Variants in RASSF3 observed in about 807,000 individuals in gnomAD.
RASSF3 encodes the protein ras association domain-containing protein 3.
Under a neutral mutation model 19.9 loss-of-function variants are expected in RASSF3, and 19 were observed. That is an observed-to-expected ratio of 0.96 (90% CI 0.67 to 1.40). The LOEUF (loss-of-function observed/expected upper bound fraction) is 1.40, where lower values mean the gene tolerates loss of function less well. Ranked by LOEUF, RASSF3 falls within the 40% of genes most tolerant of loss-of-function variation. The probability of loss-of-function intolerance (pLI) is 0.00; values close to 1 mark genes in which losing one functional copy is unlikely to be tolerated. For missense variants in RASSF3, 306 were observed against 289.8 expected (o/e 1.06, Z -0.41); for synonymous variants, 110 against 104.2 (o/e 1.06, Z -0.34).
chr12:64,651,452 C>T (rs1369414857), intron 1 of RASSF3, among the ~76,000 whole-genome samples: 7 of 152,066 alleles, frequency 4.6e-5, no homozygotes, highest in Admixed American at 6.6e-5. Context: ...TCCAACCTCC[C>T]GGGTTCAAGT....
At chr12:64,627,743 T>C (rs1008201793) in intron 1 of RASSF3, among the ~76,000 whole-genome samples, 2 of 151,580 alleles carry the variant, frequency 1.3e-5, no homozygotes, top group African/African-American at 4.9e-5. Flanking sequence ...ATAGGACATT[T>C]AGGTGAAAAG....
At chr12:64,555,510 G>A (rs1435616997) in intron 2 of RASSF3, among the ~76,000 whole-genome samples, 4 of 152,220 alleles carry the variant, frequency 2.6e-5, no homozygotes, top group East Asian at 1.9e-4. Context: ...AGGACTTTGG[G>A]AGGCCGAGGC....
chr12:64,587,186 C>T (rs1032702302), intron 2 of RASSF3, among the ~76,000 whole-genome samples: 1 of 150,120 alleles, frequency 6.7e-6, no homozygotes, highest in Non-Finnish European at 1.5e-5. Flanking sequence ...TCCCGAGTAG[C>T]TGGGATTACA....
At chr12:64,539,277 C>T (rs1414363649) in intron 1 of RASSF3, among the ~76,000 whole-genome samples, 2 of 152,000 alleles carry the variant, frequency 1.3e-5, no homozygotes, top group East Asian at 3.9e-4. Context: ...GTCTCTTACT[C>T]TTCTTATAAA....
chr12:64,621,595 A>AGAGG (rs1870767372), intron 1 of RASSF3, among the ~76,000 whole-genome samples: 1 of 152,156 alleles, frequency 6.6e-6, no homozygotes, highest in Non-Finnish European at 1.5e-5. Flanking sequence ...CTCCTGCTTC[A>AGAGG]TCCTCCCAAG....
rs201698224 is a variant in RASSF3, at chr12:64,675,053, C to A, written c.112-9734C>A. ...TCTAAAATACCCACCTAGCCCCCCC[C>A]CCCCCCGCCACCCCGGCTTCTTGCT... On this transcript the variant is annotated intron_variant, in intron 1 of 4. Transcript: ENST00000542104. 3.2e-3 allele frequency among the ~76,000 whole-genome samples: 378 copies of A among 117,104 alleles called. 29 individuals carry two copies. The highest frequency in any genetic ancestry group is 0.01 in the African/African-American group (318 of 31,116). 76.8% of individuals were successfully genotyped at this position (117,104 alleles called of 152,430 possible). A position where few individuals can be genotyped will look rare whatever the true frequency, so the allele number is the denominator to read the frequency against.
At chr12:64,635,084 G>A (rs1489760700) in intron 1 of RASSF3, among the ~76,000 whole-genome samples, 4 of 151,110 alleles carry the variant, frequency 2.6e-5, no homozygotes, top group African/African-American at 9.7e-5. Flanking sequence ...CTCCTGAGTA[G>A]CTAGGACTAC....
Position 64,697,136 on chromosome 12 carries a change from C to T in RASSF3, c.*2224C>T, listed in dbSNP as rs1160186189. ...CCTCATCTATATTTACCCAAAACCT[C>T]GCTTACTGTCATGTGCACTACAAAT... On this transcript the variant is annotated 3_prime_UTR_variant, in exon 5 of 5. Transcript: ENST00000542104. The T allele has an allele frequency of 6.7e-6, 1 of 150,000 alleles. No individual in the cohort carries two copies. The highest frequency in any genetic ancestry group is 2.1e-4 in the South Asian group (1 of 4,764). The allele number at this position is 150,000 out of a possible 1,614,324, so 9.3% of individuals were successfully genotyped here.
intron 1 of RASSF3, among the ~76,000 whole-genome samples, chr12:64,635,145 G>A (rs2136176731): frequency 6.6e-6 from 1 of 151,702 alleles, no homozygotes; most frequent in African/African-American, 2.4e-5. Context: ...GGAGAGATAG[G>A]GTTTTGACAT....
chr12:64,610,875 A>G (rs1178399091), intron 1 of RASSF3, 132 bp downstream of exon 1: 1 of 519,318 alleles, frequency 1.9e-6, no homozygotes, highest in Non-Finnish European at 3.3e-6. Context: ...GAGCGGGCCG[A>G]GAAGTGGCTT....
chr12:64,623,801 C>G (rs1272570482), intron 1 of RASSF3, among the ~76,000 whole-genome samples: 1 of 151,800 alleles, frequency 6.6e-6, no homozygotes, highest in Non-Finnish European at 1.5e-5. Context: ...CGCCACCATG[C>G]CTGGCTAATT....
rs1394975027 is a variant in RASSF3, at chr12:64,684,487, A to G, written c.112-300A>G. 2.0e-5 allele frequency among the ~76,000 whole-genome samples: 3 copies of G among 148,592 alleles called. No homozygotes were observed. In the East Asian group the frequency reaches 6.0e-4, roughly 30 times the overall value. On this transcript the variant is annotated intron_variant, in intron 1 of 4. Transcript: ENST00000542104. Reference sequence around the variant, plus strand: ...CTCTTGTTGCCCAGGCTGGAGTGCAATGGCGTGATCTCAGCTTACCACAAC... The same window carrying G: ...CTCTTGTTGCCCAGGCTGGAGTGCAGTGGCGTGATCTCAGCTTACCACAAC...
At chr12:64,520,875 T>A (rs944317355) in intron 1 of RASSF3, among the ~76,000 whole-genome samples, 2 of 152,102 alleles carry the variant, frequency 1.3e-5, no homozygotes, top group African/African-American at 4.8e-5. Flanking sequence ...GAGCTAGAGA[T>A]GACCTTTCTT....
intron 1 of RASSF3, among the ~76,000 whole-genome samples, chr12:64,651,438 A>G (rs1871949562): frequency 1.3e-5 from 2 of 152,162 alleles, no homozygotes; most frequent in South Asian, 4.1e-4. Flanking sequence ...GGCTCACTGC[A>G]ACCTCCAACC....
chr12:64,527,260 A>C (rs575971027), intron 1 of RASSF3, among the ~76,000 whole-genome samples: 1 of 152,210 alleles, frequency 6.6e-6, no homozygotes, highest in Non-Finnish European at 1.5e-5. Context: ...TTGAGGTTAG[A>C]ACCTGGTCCT....
At chr12:64,683,421 T>C (rs1187424536) in intron 1 of RASSF3, among the ~76,000 whole-genome samples, 6 of 152,228 alleles carry the variant, frequency 3.9e-5, no homozygotes, top group Non-Finnish European at 7.3e-5. Flanking sequence ...TGGTAAATTC[T>C]TCACAGTGAG....
intron 1 of RASSF3, among the ~76,000 whole-genome samples, chr12:64,666,365 C>CT (rs78645421): frequency 0.3 from 44,800 of 150,848 alleles, 6,920 homozygotes; most frequent in Non-Finnish European, 0.36. Context: ...CTTTCTTTTG[C>CT]TTTTTTTTTG....
chr12:64,582,846 A>G (rs745631282), intron 2 of RASSF3, among the ~76,000 whole-genome samples: 1 of 152,136 alleles, frequency 6.6e-6, no homozygotes, highest in Non-Finnish European at 1.5e-5. Context: ...TGGCACTACT[A>G]TTGATTTTCC....
At chr12:64,517,108 A>T (rs1361096215) in intron 1 of RASSF3, among the ~76,000 whole-genome samples, 1 of 152,000 alleles carries the variant, frequency 6.6e-6, no homozygotes, top group Admixed American at 6.6e-5. Flanking sequence ...TATAAAAATA[A>T]TAACCAAGAA....
Sources: allele counts gnomAD v4.1 joint callset (sites outside exome capture counted in the v4.1 genomes callset), GRCh38; gene constraint gnomAD v4.1.1; transcripts MANE v1.5; gene names NCBI Gene and HGNC (gene_info 2026-07-23, HGNC 2026-07-21).